Variants in NR4A3 observed in about 807,000 individuals in gnomAD.
The protein encoded by NR4A3 is nuclear receptor subfamily 4 group A member 3, also known as chondrosarcoma, extraskeletal myxoid, fused to EWS.
Under a neutral mutation model 55.6 loss-of-function variants are expected in NR4A3, and 13 were observed. That is an observed-to-expected ratio of 0.23 (90% CI 0.15 to 0.37). The LOEUF (loss-of-function observed/expected upper bound fraction) is 0.37. NR4A3 is among the 10% of genes least tolerant of loss of function. NR4A3 has a pLI of 1.00. For missense variants in NR4A3, 646 were observed against 822.8 expected (o/e 0.79, Z 2.63); for synonymous variants, 342 against 357.9 (o/e 0.96, Z 0.50).
rs1444683562 is a variant in NR4A3, at chr9:99,828,407, G to A, written c.365G>A (p.Ser122Asn). 6.3e-7 allele frequency: 1 copy of A among 1,587,312 alleles called. No individual in the cohort carries two copies. Among genetic ancestry groups the A allele is most frequent in the Non-Finnish European group, 8.6e-7 (1 of 1,166,314 alleles). ...HQQPSIPPAS[S>N]PEDEVLPSTS... ...CAGCCATCCATTCCTCCAGCCTCCAGCCCGGAGGACGAGGTGCTGCCCAGC... is the reference window on the plus strand; with the variant it reads ...CAGCCATCCATTCCTCCAGCCTCCAACCCGGAGGACGAGGTGCTGCCCAGC... Residue 122 changes from serine (S) to asparagine (N), a missense_variant, in exon 3 of 8, where the codon AGC (serine) becomes AAC (asparagine). Around this residue, in one of 5 missense-constraint regions of NR4A3, gnomAD observed 426 missense variants for 429.4 expected, o/e 0.99. Coordinates refer to ENST00000395097, the MANE Select transcript of NR4A3 (RefSeq NM_006981.4). The surrounding 1 kb of genome is among the most constrained non-coding windows in gnomAD (Gnocchi z 7.7).
Position 99,864,978 on chromosome 9 carries a change from T to TC in NR4A3, c.*1111_*1112insC. The TC allele has an allele frequency of 5.1e-6, 1 of 197,730 alleles. No individual in the cohort carries two copies. Among genetic ancestry groups the TC allele is most frequent in the Non-Finnish European group, 1.0e-5 (1 of 95,828 alleles). The allele number at this position is 197,730 out of a possible 1,614,324, so 12.2% of individuals were successfully genotyped here. A position where few individuals can be genotyped will look rare whatever the true frequency, so the allele number is the denominator to read the frequency against. On this transcript the variant is annotated 3_prime_UTR_variant, in exon 8 of 8. Transcript: ENST00000395097. ...ACAATTTTGGAGAGCAAGCAAATCT[T>TC]TTTAAAAAATAGTATGAATGTGAAT... is the stretch of plus-strand genomic sequence containing the variant.
At chr9:99,851,971 C>A in intron 7 of NR4A3, among the ~76,000 whole-genome samples, 1 of 152,174 alleles carries the variant, frequency 6.6e-6, no homozygotes, top group Non-Finnish European at 1.5e-5. Context: ...GCCAGGCACG[C>A]ATTCTGTTGC....
rs2293403 is a variant in NR4A3 at position 99,825,645 on chromosome 9, C to T, written c.-176-14C>T. On this transcript the variant is annotated splice_polypyrimidine_tract_variant and intron_variant, in intron 1 of 7. Transcript: ENST00000395097. This position sits in a 1 kb window ranked among gnomAD's most constrained non-coding sequence, Gnocchi z 5.0. Reference sequence around the variant, plus strand: ...TCTCACTGTGACCTATGTCCTCTTTCACCTTGCCTGTAGAGCCCACTGCGG... The same window carrying T: ...TCTCACTGTGACCTATGTCCTCTTTTACCTTGCCTGTAGAGCCCACTGCGG... 9.1e-4 allele frequency: 142 copies of T among 155,644 alleles called. 1 individual carries two copies. In the East Asian group the frequency reaches 0.022, roughly 24 times the overall value. 9.6% of individuals were successfully genotyped at this position (155,644 alleles called of 1,614,324 possible). A position where few individuals can be genotyped will look rare whatever the true frequency, so the allele number is the denominator to read the frequency against.
intron 1 of NR4A3, among the ~76,000 whole-genome samples, chr9:99,824,651 C>T (rs1029281685): frequency 6.6e-6 from 1 of 152,230 alleles, no homozygotes; most frequent in African/African-American, 2.4e-5. Flanking sequence ...GCCCCGCGCA[C>T]CTCGGAGGTT....
chr9:99,843,198 A>G (rs1249147939), intron 5 of NR4A3, among the ~76,000 whole-genome samples: 1 of 152,270 alleles, frequency 6.6e-6, no homozygotes, highest in Non-Finnish European at 1.5e-5. Flanking sequence ...CTCTAGATCC[A>G]TGCTGTCCAA....
At chr9:99,863,463 A>T (rs749187931) in intron 7 of NR4A3, among the ~76,000 whole-genome samples, 157 bp from the exon 8 acceptor site, 1 of 152,202 alleles carries the variant, frequency 6.6e-6, no homozygotes. Context: ...GTTGCTTCAT[A>T]CCAAAGGCCA....
chr9:99,847,658 TC>T (rs753841140), intron 7 of NR4A3, 43 bp downstream of exon 7: 1 of 1,590,034 alleles, frequency 6.3e-7, no homozygotes, highest in Non-Finnish European at 8.6e-7. Context: ...TTTCTCTCCT[TC>T]CCTTTGTTAT....
rs140372874 is a variant in NR4A3 at position 99,827,350 on chromosome 9, G to A, written c.-2-691G>A. On this transcript the variant is annotated intron_variant, in intron 2 of 7. Transcript: ENST00000395097. ...GCTGCTGATCTTTTTCTTTGCAGAT[G>A]GTACAAACTCTCCCGAGTCAATTTC... 3.4e-3 allele frequency among the ~76,000 whole-genome samples: 512 copies of A among 151,190 alleles called. 3 individuals are homozygous for A. The highest frequency in any genetic ancestry group is 0.012 in the African/African-American group (480 of 41,180).
rs201875863 is a variant in NR4A3 at position 99,828,426 on chromosome 9, G to A, written c.384G>A (p.Leu128=). 37 of 1,584,120 alleles carry A rather than the reference G, an allele frequency of 2.3e-5. No individual in the cohort carries two copies. In the East Asian group the frequency reaches 3.8e-4, roughly 16 times the overall value. The part of the protein sequence containing the change: ...PPASSPEDEV[L]PSTSMYFKQS... ...CCTCCAGCCCGGAGGACGAGGTGCT[G>A]CCCAGCACCTCCATGTACTTCAAGC... Residue 128 remains leucine, a synonymous_variant, in exon 3 of 8, where the codon CTG becomes CTA. Transcript: ENST00000395097. The surrounding 1 kb of genome is among the most constrained non-coding windows in gnomAD (Gnocchi z 7.7).
chr9:99,861,177 G>A (rs1828002299), intron 7 of NR4A3, among the ~76,000 whole-genome samples: 1 of 152,194 alleles, frequency 6.6e-6, no homozygotes, highest in Admixed American at 6.5e-5. Flanking sequence ...GCAACTTACA[G>A]TCCATGGAGA....
rs59274273 is a variant in NR4A3 at position 99,862,549 on chromosome 9, C to CAAAAAAAAAAAAAAA, written c.1634-1051_1634-1037dup. 5.1e-4 allele frequency among the ~76,000 whole-genome samples: 37 copies of CAAAAAAAAAAAAAAA among 72,804 alleles called. 1 individual carries two copies. Among genetic ancestry groups the CAAAAAAAAAAAAAAA allele is most frequent in the South Asian group, 8.1e-4 (1 of 1,242 alleles). 47.8% of individuals were successfully genotyped at this position (72,804 alleles called of 152,430 possible). A position where few individuals can be genotyped will look rare whatever the true frequency, so the allele number is the denominator to read the frequency against. On this transcript the variant is annotated intron_variant, in intron 7 of 7. Coordinates refer to ENST00000395097, the MANE Select transcript of NR4A3 (RefSeq NM_006981.4). ...TAGGCAACAGAGTAAGACTCTGTCTCAAAAAAAAAAAAAAAAAAAAAAAAA... is the reference window on the plus strand; with the variant it reads ...TAGGCAACAGAGTAAGACTCTGTCTCAAAAAAAAAAAAAAAAAAAAAAAAAAAAAAAAAAAAAAAA...
intron 7 of NR4A3, among the ~76,000 whole-genome samples, chr9:99,858,440 G>T (rs768129877): frequency 6.6e-6 from 1 of 152,198 alleles, no homozygotes; most frequent in Non-Finnish European, 1.5e-5. Context: ...GTGTCTTTAG[G>T]TGTTCATACC....
rs190671181 is a variant in NR4A3, at chr9:99,840,812, G to A, written c.1255-3837G>A. Among the ~76,000 whole-genome samples, 12 of 152,274 alleles carry A rather than the reference G, an allele frequency of 7.9e-5. No homozygotes were observed. In the East Asian group the frequency reaches 2.3e-3, roughly 29 times the overall value. On this transcript the variant is annotated intron_variant, in intron 5 of 7. Transcript: ENST00000395097. The stretch of plus-strand genomic sequence containing the variant: ...AAGTAGCTCCCTCAGCTTTTGAAAG[G>A]GAGGATCTGCCCTGAATTTCATTCT...
At position 99,863,966 on chromosome 9, in the gene NR4A3, T is replaced by A; in HGVS notation, c.*99T>A. The A allele has an allele frequency of 7.2e-7, 1 of 1,380,960 alleles. No homozygotes were observed. Among genetic ancestry groups the A allele is most frequent in the Non-Finnish European group, 9.8e-7 (1 of 1,020,248 alleles). 85.5% of individuals were successfully genotyped at this position (1,380,960 alleles called of 1,614,324 possible). A position where few individuals can be genotyped will look rare whatever the true frequency, so the allele number is the denominator to read the frequency against. ...AAACCTATCATTTCCTGTCCTTCCT[T>A]AAGAGGAAAAGCAGCTCCTGTAGAA... On this transcript the variant is annotated 3_prime_UTR_variant, in exon 8 of 8. Coordinates refer to ENST00000395097, the MANE Select transcript of NR4A3 (RefSeq NM_006981.4).
chr9:99,835,303 T>C (rs1827539245), intron 5 of NR4A3, among the ~76,000 whole-genome samples: 1 of 152,200 alleles, frequency 6.6e-6, no homozygotes, highest in Admixed American at 6.5e-5. Context: ...TGGGAGAGGC[T>C]AAAGGGCTGA....
chr9:99,831,098 TA>T (rs770484380), intron 3 of NR4A3, among the ~76,000 whole-genome samples: 5 of 152,196 alleles, frequency 3.3e-5, no homozygotes, highest in Non-Finnish European at 7.3e-5. Flanking sequence ...CAGTTAATGA[TA>T]GGAATTCGGT....
intron 7 of NR4A3, among the ~76,000 whole-genome samples, chr9:99,851,030 TG>T (rs1217933495): frequency 4.6e-5 from 7 of 152,234 alleles, no homozygotes; most frequent in Non-Finnish European, 1.0e-4. Context: ...GTAATTAAGC[TG>T]CACTTAACAA....
intron 7 of NR4A3, among the ~76,000 whole-genome samples, chr9:99,851,051 A>G (rs1449964729): frequency 6.6e-6 from 1 of 152,242 alleles, no homozygotes; most frequent in East Asian, 1.9e-4. Context: ...AGCACTTACA[A>G]TAGACCAAGT....
chr9:99,846,490 G>A (rs1827755709), intron 6 of NR4A3, among the ~76,000 whole-genome samples: 1 of 152,134 alleles, frequency 6.6e-6, no homozygotes, highest in African/African-American at 2.4e-5. Flanking sequence ...AGAATGAGAT[G>A]ATGATGGACA....
Sources: allele counts gnomAD v4.1 joint callset (sites outside exome capture counted in the v4.1 genomes callset), GRCh38; gene constraint gnomAD v4.1.1; regional missense constraint gnomAD v4.1.1; non-coding constraint Gnocchi (gnomAD v3.1); transcripts MANE v1.5; gene names NCBI Gene and HGNC (gene_info 2026-07-23, HGNC 2026-07-21).